Variants in CFAP47 observed in about 807,000 individuals in gnomAD.
CFAP47 encodes the protein cilia and flagella associated protein 47, also known as cilia- and flagella-associated protein 47.
A neutral mutation model predicts 148.1 loss-of-function variants in CFAP47; 29 were observed. The ratio of observed to expected loss-of-function variants is 0.20; its 90% CI spans 0.15 to 0.27. CFAP47 has a LOEUF of 0.27. Ranked by LOEUF, CFAP47 falls within the 10% of genes least tolerant of loss-of-function variation. The pLI is 1.00. For synonymous variants in CFAP47, 664 were observed against 577.3 expected (o/e 1.15, Z -2.15); for missense variants, 1,872 against 1,697.5 (o/e 1.10, Z -1.81).
rs1296740864 is a variant in CFAP47 at position 36,071,839 on chromosome X, C to G, written c.4333C>G (p.Leu1445Val). The change falls in exon 28 of 64, where the codon CTT becomes GTT. Residue 1445 changes from leucine to valine, a missense_variant. Physicochemically the swap from Leu to Val is conservative, Grantham distance 32. Transcript: ENST00000378653. ...GTCATTTGTAGATAAGGATGAATATCTTAAGAAGACTAGAGATGGTGTTTT... is the reference window on the plus strand; with the variant it reads ...GTCATTTGTAGATAAGGATGAATATGTTAAGAAGACTAGAGATGGTGTTTT... ...IILKNDKDEY[L>V]KKTRDGVLPP... 3 of 1,204,390 alleles carry G rather than the reference C, an allele frequency of 2.5e-6. No individual in the cohort carries two copies. The Admixed American group carries it at 6.8e-5, about 27-fold the overall frequency.
At chrX:36,141,558 T>G (rs1939141117) in intron 35 of CFAP47, among the ~76,000 whole-genome samples, 1 of 111,419 alleles carries the variant, frequency 9.0e-6, no homozygotes, top group African/African-American at 3.3e-5. Flanking sequence ...GAAACAATGC[T>G]TTACCAGCCA....
chrX:36,004,480 A>G (rs1177753680), intron 21 of CFAP47, among the ~76,000 whole-genome samples: 1 of 111,575 alleles, frequency 9.0e-6, no homozygotes, highest in African/African-American at 3.3e-5. Flanking sequence ...CATTATTCAC[A>G]ATAGCTTAAA....
intron 57 of CFAP47, among the ~76,000 whole-genome samples, chrX:36,327,270 G>A (rs1941524620): frequency 9.0e-6 from 1 of 111,135 alleles, no homozygotes. Context: ...AAATCAACAA[G>A]CCAAAAACAA....
At chrX:35,928,611 C>T (rs1935780695) in intron 2 of CFAP47, among the ~76,000 whole-genome samples, 2 of 110,577 alleles carry the variant, frequency 1.8e-5, no homozygotes, top group Non-Finnish European at 3.8e-5. Flanking sequence ...TTTGACTTTT[C>T]ATCCTTTTAA....
intron 13 of CFAP47, among the ~76,000 whole-genome samples, chrX:35,974,023 C>G (rs1040376615): frequency 1.8e-5 from 2 of 112,098 alleles, no homozygotes; most frequent in African/African-American, 6.5e-5. Context: ...CCCCTGCTCT[C>G]ATAGAGATTA....
intron 25 of CFAP47, among the ~76,000 whole-genome samples, chrX:36,046,159 C>T (rs747078422): frequency 6.3e-5 from 7 of 110,345 alleles, no homozygotes; most frequent in African/African-American, 2.3e-4. Flanking sequence ...GATGATACCT[C>T]TTATCTGCCA....
chrX:36,002,329 A>G (rs149270481), intron 21 of CFAP47, among the ~76,000 whole-genome samples: 2,436 of 110,980 alleles, frequency 0.022, 78 homozygotes, highest in African/African-American at 0.076. Context: ...ATATAGCCCT[A>G]TAATCCCAGC....
chrX:36,344,869 A>G (rs1356628114), intron 57 of CFAP47, among the ~76,000 whole-genome samples: 3 of 112,120 alleles, frequency 2.7e-5, no homozygotes, highest in East Asian at 5.6e-4. Flanking sequence ...ATTAAACATA[A>G]TGAAATCTCC....
At chrX:35,984,026 A>C (rs768320359) in intron 15 of CFAP47, among the ~76,000 whole-genome samples, 7 of 111,832 alleles carry the variant, frequency 6.3e-5, no homozygotes, top group African/African-American at 1.9e-4. Flanking sequence ...GAATAGTTTC[A>C]GTAAGAATGG....
rs375784203 is a variant in CFAP47 at position 36,118,668 on chromosome X, G to T, written c.5320+13977G>T. 8.8e-3 allele frequency among the ~76,000 whole-genome samples: 973 copies of T among 110,414 alleles called. 4 individuals are homozygous for T. Among genetic ancestry groups the T allele is most frequent in the South Asian group, 0.056 (146 of 2,623 alleles). On this transcript the variant is annotated intron_variant, in intron 33 of 63. Transcript: ENST00000378653. ...TTTTTGTATTTTTAGTAGAGATGGG[G>T]TTTCACCGTGTTAGCCAGGATGGTC...
At chrX:36,040,781 G>A (rs1001450264) in intron 25 of CFAP47, among the ~76,000 whole-genome samples, 3 of 111,366 alleles carry the variant, frequency 2.7e-5, no homozygotes, top group Non-Finnish European at 3.8e-5. Context: ...CTGAGGATCA[G>A]GAGTGTATAA....
chrX:35,924,092 T>C (rs148418651), intron 1 of CFAP47, among the ~76,000 whole-genome samples: 1,242 of 79,976 alleles, frequency 0.016, 119 homozygotes, highest in African/African-American at 0.053. Flanking sequence ...CATGTATGCG[T>C]ACATATATGT....
rs1485523162 is a variant in CFAP47 at position 36,161,076 on chromosome X, G to C, written c.6026+307G>C. On this transcript the variant is annotated intron_variant, in intron 39 of 63. Transcript: ENST00000378653. ...TTGGCCAGGATGATCTCGATCTCTT[G>C]ACCTCGTGAGCCACCCGCCTTGGTC... 2.7e-5 allele frequency among the ~76,000 whole-genome samples: 3 copies of C among 110,271 alleles called. No homozygotes were observed. In the East Asian group the frequency reaches 8.7e-4, roughly 32 times the overall value.
At chrX:36,333,794 G>A (rs1170993892) in intron 57 of CFAP47, among the ~76,000 whole-genome samples, 2 of 110,511 alleles carry the variant, frequency 1.8e-5, no homozygotes, top group Non-Finnish European at 3.8e-5. Context: ...CTCTAGTACT[G>A]CAATTCTGGA....
At chrX:36,180,245 AT>A (rs1939734390) in intron 40 of CFAP47, among the ~76,000 whole-genome samples, 1 of 59,080 alleles carries the variant, frequency 1.7e-5, no homozygotes. Flanking sequence ...ATGAAACAGG[AT>A]TTTTAAAAAA....
chrX:36,194,626 AAGG>A (rs1234693775), intron 42 of CFAP47, among the ~76,000 whole-genome samples: 2 of 111,774 alleles, frequency 1.8e-5, no homozygotes, highest in African/African-American at 6.5e-5. Flanking sequence ...ATTGTGGCAG[AAGG>A]AGAAGGAGAA....
At chrX:36,245,479 T>C (rs982249818) in intron 48 of CFAP47, among the ~76,000 whole-genome samples, 29 of 111,876 alleles carry the variant, frequency 2.6e-4, no homozygotes, top group African/African-American at 9.4e-4. Context: ...ATAAAAAAAC[T>C]TTAATAGAGT....
At chrX:36,110,993 G>T (rs1938546379) in intron 33 of CFAP47, among the ~76,000 whole-genome samples, 1 of 111,765 alleles carries the variant, frequency 8.9e-6, no homozygotes, top group African/African-American at 3.3e-5. Context: ...ATCAGCATAA[G>T]GAGTTTTTGG....
At chrX:36,147,002 T>G (rs995960712) in intron 36 of CFAP47, among the ~76,000 whole-genome samples, 4 of 110,603 alleles carry the variant, frequency 3.6e-5, no homozygotes, top group African/African-American at 1.3e-4. Context: ...AGGCTGGTCT[T>G]GAACTCCTGA....
Sources: allele counts gnomAD v4.1 joint callset (sites outside exome capture counted in the v4.1 genomes callset), GRCh38; gene constraint gnomAD v4.1.1; transcripts MANE v1.5; gene names NCBI Gene and HGNC (gene_info 2026-07-23, HGNC 2026-07-21).